Variants in PTPRK observed in about 807,000 individuals in gnomAD.
PTPRK encodes protein tyrosine phosphatase receptor type K.
A neutral mutation model predicts 178.0 loss-of-function variants in PTPRK; 75 were observed. The ratio of observed to expected loss-of-function variants is 0.42; its 90% CI spans 0.35 to 0.51. The LOEUF (loss-of-function observed/expected upper bound fraction) is 0.51. Among genes scored for constraint, PTPRK ranks in the 20% least tolerant of loss-of-function variants. The probability of loss-of-function intolerance (pLI) is 0.02; values close to 1 mark genes in which losing one functional copy is unlikely to be tolerated. For missense variants in PTPRK, 1,441 were observed against 1,797.8 expected (o/e 0.80, Z 3.59); for synonymous variants, 637 against 620.6 (o/e 1.03, Z -0.39).
intron 2 of PTPRK, among the ~76,000 whole-genome samples, chr6:128,322,536 C>T (rs1469170532): frequency 6.6e-6 from 1 of 151,626 alleles, no homozygotes; most frequent in East Asian, 1.9e-4. Context: ...CATTTAGTCT[C>T]CACAACAACC....
At chr6:128,146,424 A>ATGTGTG (rs35899707) in intron 7 of PTPRK, among the ~76,000 whole-genome samples, 116 of 135,998 alleles carry the variant, frequency 8.5e-4, no homozygotes, top group Admixed American at 4.2e-3. Context: ...GTGTGTGTTT[A>ATGTGTG]TGTGTGTGTG....
At chr6:127,988,340 G>A (rs149092303) in intron 21 of PTPRK, among the ~76,000 whole-genome samples, 1,353 of 120,704 alleles carry the variant, frequency 0.011, 17 homozygotes, top group Middle Eastern at 0.031. Context: ...GTCTCCCTCT[G>A]TCGCCCAGGC....
intron 1 of PTPRK, among the ~76,000 whole-genome samples, chr6:128,503,181 G>A (rs1461800267): frequency 3.3e-5 from 5 of 152,246 alleles, no homozygotes; most frequent in East Asian, 3.9e-4. Context: ...AGCCGAGATC[G>A]CGCCACTGCA....
At chr6:128,311,691 G>C (rs190313734) in intron 3 of PTPRK, among the ~76,000 whole-genome samples, 9 of 152,056 alleles carry the variant, frequency 5.9e-5, no homozygotes, top group Admixed American at 3.9e-4. Flanking sequence ...TAAGAGACAG[G>C]GTCTTGCTAT....
chr6:128,491,929 G>A (rs796519477), intron 1 of PTPRK: 6 of 448,872 alleles, frequency 1.3e-5, no homozygotes, highest in African/African-American at 1.2e-4. Flanking sequence ...CTTCCCCTGG[G>A]AATTGATTCA....
At chr6:127,995,240 G>T in intron 18 of PTPRK, 2 of 1,598,672 alleles carry the variant, frequency 1.3e-6, no homozygotes, top group Non-Finnish European at 1.7e-6. Context: ...TACATATAGT[G>T]GTACTTACAT....
chr6:128,093,824 C>T (rs1273574271), intron 7 of PTPRK, among the ~76,000 whole-genome samples: 3 of 151,524 alleles, frequency 2.0e-5, no homozygotes, highest in African/African-American at 7.3e-5. Context: ...GTGAATAAAG[C>T]ATAATCTTAG....
chr6:128,399,638 C>G (rs1290139712), intron 1 of PTPRK, among the ~76,000 whole-genome samples: 3 of 152,174 alleles, frequency 2.0e-5, no homozygotes, highest in Admixed American at 6.6e-5. Flanking sequence ...GTAACACAGG[C>G]CTTCAGGGCC....
In PTPRK at chr6:128,210,023, G is replaced by A. The variant is rs180933391; in HGVS notation, c.868+8899C>T. ...ACTTACTGTGTCATACAGTCACTCT[G>A]GCTTCTGTGTGAAGACTGCCTTGGA... On this transcript the variant is annotated intron_variant, in intron 6 of 29. Coordinates refer to ENST00000368226, the MANE Select transcript of PTPRK (RefSeq NM_002844.4). Among the ~76,000 whole-genome samples the A allele has an allele frequency of 3.4e-3, 516 of 152,196 alleles. 5 individuals carry two copies. The highest frequency in any genetic ancestry group is 4.3e-3 in the Non-Finnish European group (292 of 68,010).
At chr6:128,058,603 C>T (rs1780296437) in intron 13 of PTPRK, among the ~76,000 whole-genome samples, 2 of 151,976 alleles carry the variant, frequency 1.3e-5, no homozygotes, top group Non-Finnish European at 2.9e-5. Flanking sequence ...CTATTTTACT[C>T]TCATAATGGC....
chr6:128,143,939 A>G (rs1249393367), intron 7 of PTPRK, among the ~76,000 whole-genome samples: 1 of 152,216 alleles, frequency 6.6e-6, no homozygotes, highest in Non-Finnish European at 1.5e-5. Flanking sequence ...ATTTTTGACT[A>G]CAAACCTGAG....
At chr6:128,223,746 C>T (rs1466047357) in intron 5 of PTPRK, among the ~76,000 whole-genome samples, 1 of 152,076 alleles carries the variant, frequency 6.6e-6, no homozygotes, top group Non-Finnish European at 1.5e-5. Flanking sequence ...CTGATACAGT[C>T]ATATCCAATT....
chr6:128,336,947 C>T (rs1453129443), intron 2 of PTPRK, among the ~76,000 whole-genome samples: 1 of 152,090 alleles, frequency 6.6e-6, no homozygotes, highest in East Asian at 1.9e-4. Flanking sequence ...AAAATCCTCG[C>T]AAACTTGGTC....
At chr6:128,052,564 CT>C (rs1336694276) in intron 13 of PTPRK, among the ~76,000 whole-genome samples, 1 of 152,146 alleles carries the variant, frequency 6.6e-6, no homozygotes, top group East Asian at 1.9e-4. Flanking sequence ...GGATATACAT[CT>C]TTGGTTGGAA....
chr6:128,168,028 T>G (rs555930179), intron 7 of PTPRK, among the ~76,000 whole-genome samples: 1 of 152,180 alleles, frequency 6.6e-6, no homozygotes, highest in South Asian at 2.1e-4. Context: ...ATTTAAAACA[T>G]TATCCTAAAA....
Position 127,968,862 on chromosome 6 carries a change from G to C in PTPRK, c.*1365C>G, listed in dbSNP as rs1773627035. Reference sequence around the variant, plus strand: ...CACCATGTCATGAGCTGGCAATCTAGAAAGAGGACACTGGAATGCTTTAGT... The same window carrying C: ...CACCATGTCATGAGCTGGCAATCTACAAAGAGGACACTGGAATGCTTTAGT... On this transcript the variant is annotated 3_prime_UTR_variant, in exon 30 of 30. Transcript: ENST00000368226. The C allele has an allele frequency of 6.6e-6, 1 of 152,208 alleles. No homozygotes were observed. Among genetic ancestry groups the C allele is most frequent in the South Asian group, 2.1e-4 (1 of 4,830 alleles). The allele number at this position is 152,208 out of a possible 1,614,324, so 9.4% of individuals were successfully genotyped here. A position where few individuals can be genotyped will look rare whatever the true frequency, so the allele number is the denominator to read the frequency against.
At chr6:128,396,941 T>A (rs1840388637) in intron 2 of PTPRK, among the ~76,000 whole-genome samples, 1 of 152,152 alleles carries the variant, frequency 6.6e-6, no homozygotes, top group South Asian at 2.1e-4. Flanking sequence ...GAGATCGCAG[T>A]GAGCAGAGAT....
chr6:128,308,899 G>A (rs575810636), intron 3 of PTPRK, among the ~76,000 whole-genome samples: 12 of 152,236 alleles, frequency 7.9e-5, no homozygotes, highest in African/African-American at 2.6e-4. Context: ...AGGCATCAGT[G>A]GACACGTGGT....
At chr6:128,477,411 T>C (rs1204678020) in intron 1 of PTPRK, among the ~76,000 whole-genome samples, 3 of 151,774 alleles carry the variant, frequency 2.0e-5, no homozygotes, top group Non-Finnish European at 4.4e-5. Flanking sequence ...CATGGTTGCA[T>C]TCAACATTTA....
Sources: gnomAD v4.1 joint callset for allele counts (sites outside exome capture counted in the v4.1 genomes callset) on GRCh38, gnomAD v4.1.1 for gene constraint, MANE v1.5 for transcripts, NCBI Gene and HGNC (gene_info 2026-07-23, HGNC 2026-07-21) for gene names.